Variants in UGT8 observed in about 807,000 individuals in gnomAD.
The protein encoded by UGT8 is 2-hydroxyacylsphingosine 1-beta-galactosyltransferase.
In UGT8, 12 loss-of-function variants were observed where a neutral mutation model predicts 40.5. The observed-to-expected ratio is 0.30, with a 90% CI of 0.19 to 0.48. UGT8 has a LOEUF of 0.48. UGT8 is among the 20% of genes least tolerant of loss of function. The pLI, the probability that UGT8 is intolerant of heterozygous loss-of-function variation, is 0.99. For synonymous variants in UGT8, 224 were observed against 240.4 expected (o/e 0.93, Z 0.63); for missense variants, 513 against 648.7 (o/e 0.79, Z 2.27).
At chr4:114,625,509 TAAA>T (rs767102968) in intron 2 of UGT8, among the ~76,000 whole-genome samples, 13 of 75,302 alleles carry the variant, frequency 1.7e-4, no homozygotes, top group African/African-American at 4.7e-4. Context: ...AGACCCTGTC[TAAA>T]AAAAAAAAAA....
intron 3 of UGT8, 162 bp from the exon 4 acceptor site, chr4:114,665,518 A>T (rs1458275529): frequency 1.0e-6 from 1 of 956,594 alleles, no homozygotes; most frequent in South Asian, 4.8e-5. Context: ...TTAAAAAGAA[A>T]CTTAATCAAA....
rs139988593 is a variant in UGT8 at position 114,627,942 on chromosome 4, T to C, written c.822+4240T>C. 5.6e-3 allele frequency among the ~76,000 whole-genome samples: 857 copies of C among 152,298 alleles called. 5 individuals are homozygous for C. Among genetic ancestry groups the C allele is most frequent in the African/African-American group, 0.02 (821 of 41,558 alleles). On this transcript the variant is annotated intron_variant, in intron 2 of 5. Coordinates refer to ENST00000310836, the MANE Select transcript of UGT8 (RefSeq NM_001128174.3). ...GTTGATACTCTATAACCTGAGTGCCTGAAAAATGGTTGGTACTCAATAAAA... is the reference window on the plus strand; with the variant it reads ...GTTGATACTCTATAACCTGAGTGCCCGAAAAATGGTTGGTACTCAATAAAA...
chr4:114,668,250 C>A lies in UGT8; in HGVS notation c.1208C>A (p.Thr403Lys). The change falls in exon 5 of 6, where the codon ACA (threonine) becomes AAA (lysine). Residue 403 changes from threonine (T) to lysine (K), a missense_variant. Physicochemically the swap from Thr to Lys is moderately conservative, Grantham distance 78. Transcript: ENST00000310836. ...ATGGGGATATTGCTAGAATGGAAGA[C>A]AGTTACTGAAAAAGAGCTCTATGAA... is the stretch of plus-strand genomic sequence containing the variant. ...KGMGILLEWK[T>K]VTEKELYEAL... 1 of 1,613,790 alleles carries A rather than the reference C, an allele frequency of 6.2e-7. No individual in the cohort carries two copies. Among genetic ancestry groups the A allele is most frequent in the Non-Finnish European group, 8.5e-7 (1 of 1,179,812 alleles).
intron 2 of UGT8, 200 bp downstream of exon 2, chr4:114,623,902 C>A (rs1732016605): frequency 3.2e-6 from 1 of 314,006 alleles, no homozygotes; most frequent in Non-Finnish European, 4.6e-6. Context: ...ATGAGCATTT[C>A]TGTAATACTG....
At chr4:114,675,827 A>G (rs561707667) in intron 5 of UGT8, 98 bp from the exon 6 acceptor site, 3 of 1,402,896 alleles carry the variant, frequency 2.1e-6, no homozygotes, top group African/African-American at 2.9e-5. Context: ...ACTAAAGAAT[A>G]GTTGTTTTAA....
chr4:114,667,555 A>C (rs1202434992), intron 4 of UGT8, among the ~76,000 whole-genome samples: 1 of 152,218 alleles, frequency 6.6e-6, no homozygotes, highest in Non-Finnish European at 1.5e-5. Flanking sequence ...AAACCTTAAA[A>C]TTGTGAAATA....
At chr4:114,663,965 T>C in intron 2 of UGT8, 30 bp from the exon 3 acceptor site, 1 of 1,612,804 alleles carries the variant, frequency 6.2e-7, no homozygotes, top group Non-Finnish European at 8.5e-7. Context: ...TTGGTCTTCG[T>C]AAAACTTACT....
intron 2 of UGT8, among the ~76,000 whole-genome samples, chr4:114,636,421 C>T (rs1027548527): frequency 2.0e-5 from 3 of 152,160 alleles, no homozygotes; most frequent in African/African-American, 7.2e-5. Context: ...TCAAACCGGA[C>T]AAAGCATACC....
At chr4:114,675,063 A>G (rs1175990462) in intron 5 of UGT8, among the ~76,000 whole-genome samples, 3 of 152,358 alleles carry the variant, frequency 2.0e-5, no homozygotes, top group Non-Finnish European at 2.9e-5. Flanking sequence ...TATATACTGC[A>G]TATAACATCA....
intron 2 of UGT8, among the ~76,000 whole-genome samples, chr4:114,625,140 CT>C (rs917901157): frequency 6.6e-6 from 1 of 152,146 alleles, no homozygotes; most frequent in African/African-American, 2.4e-5. Flanking sequence ...AGCTAGAACA[CT>C]CCCCTTCTGC....
intron 2 of UGT8, among the ~76,000 whole-genome samples, chr4:114,646,170 T>G (rs1733557446): frequency 6.6e-6 from 1 of 152,076 alleles, no homozygotes; most frequent in African/African-American, 2.4e-5. Flanking sequence ...CAGGATTGAT[T>G]AGTGACAAAA....
chr4:114,609,849 A>C (rs2126087332), intron 1 of UGT8, among the ~76,000 whole-genome samples: 1 of 152,296 alleles, frequency 6.6e-6, no homozygotes, highest in South Asian at 2.1e-4. Flanking sequence ...ATTTTGAACC[A>C]GACATGTTGA....
chr4:114,634,342 G>A (rs1360577380), intron 2 of UGT8, among the ~76,000 whole-genome samples: 1 of 152,180 alleles, frequency 6.6e-6, no homozygotes, highest in African/African-American at 2.4e-5. Context: ...GATAGGAAAG[G>A]TCAATGCTGG....
At position 114,603,378 on chromosome 4, in the gene UGT8, A is replaced by G. The variant is rs537931682; in HGVS notation, c.-3+4404A>G. ...AGAAACATTTAGGAGTTTTCAGTGTATAGGTAATTATAAACCGTGAAAGTT... is the reference window on the plus strand; with the variant it reads ...AGAAACATTTAGGAGTTTTCAGTGTGTAGGTAATTATAAACCGTGAAAGTT... On this transcript the variant is annotated intron_variant, in intron 1 of 5. Transcript: ENST00000310836. Among the ~76,000 whole-genome samples, 5 of 152,350 alleles carry G rather than the reference A, an allele frequency of 3.3e-5. No individual in the cohort carries two copies. In the East Asian group the frequency reaches 9.6e-4, roughly 29 times the overall value.
intron 5 of UGT8, among the ~76,000 whole-genome samples, chr4:114,669,550 G>A (rs1483445726): frequency 2.0e-5 from 3 of 152,114 alleles, no homozygotes; most frequent in Non-Finnish European, 4.4e-5. Context: ...AATTGGCTCA[G>A]ATGAAAAGGA....
At chr4:114,622,759 A>ATTTTT in intron 1 of UGT8, 120 bp from the exon 2 acceptor site, 1 of 632,118 alleles carries the variant, frequency 1.6e-6, no homozygotes, top group South Asian at 3.2e-5. Flanking sequence ...TCTGTTCATG[A>ATTTTT]TTTTTTTTTT....
At chr4:114,613,014 A>C (rs1325514133) in intron 1 of UGT8, among the ~76,000 whole-genome samples, 1 of 152,146 alleles carries the variant, frequency 6.6e-6, no homozygotes, top group Non-Finnish European at 1.5e-5. Context: ...AAGTTTTAGA[A>C]TAGTAAGGGA....
intron 2 of UGT8, among the ~76,000 whole-genome samples, chr4:114,625,342 G>A (rs190824503): frequency 4.6e-5 from 7 of 151,882 alleles, no homozygotes; most frequent in Non-Finnish European, 1.0e-4. Flanking sequence ...GTGAAACCTT[G>A]TCTCTACAAA....
chr4:114,612,800 G>A (rs547607313), intron 1 of UGT8, among the ~76,000 whole-genome samples: 1 of 152,180 alleles, frequency 6.6e-6, no homozygotes, highest in South Asian at 2.1e-4. Context: ...TACGTCTACT[G>A]AACCACAATT....
Sources: gnomAD v4.1 joint callset for allele counts (sites outside exome capture counted in the v4.1 genomes callset) on GRCh38, gnomAD v4.1.1 for gene constraint, MANE v1.5 for transcripts, NCBI Gene and HGNC (gene_info 2026-07-23, HGNC 2026-07-21) for gene names.